The following PCDH11Y variants were observed in gnomAD, a reference collection of about 807,000 sequenced individuals.
PCDH11Y encodes protocadherin 11 Y-linked.
For missense variants in PCDH11Y, 12 were observed against 224.8 expected, an observed-to-expected ratio of 0.05 and a Z score of 6.05; for synonymous variants, 9 against 83.6, an observed-to-expected ratio of 0.11 and a Z score of 4.87.
intron 2 of PCDH11Y, among the ~76,000 whole-genome samples, chrY:5,227,467 T>C: frequency 2.9e-5 from 1 of 34,115 alleles, no homozygotes; most frequent in Non-Finnish European, 7.4e-5. Flanking sequence ...TCCAGTGCTA[T>C]GTTGAATAAC....
intron 4 of PCDH11Y, among the ~76,000 whole-genome samples, chrY:5,623,655 C>G: frequency 2.1e-4 from 7 of 33,541 alleles, no homozygotes; most frequent in Non-Finnish European, 3.7e-4. Flanking sequence ...AGTATTGGAT[C>G]ATGTATATGT....
At chrY:5,408,908 T>C in intron 2 of PCDH11Y, among the ~76,000 whole-genome samples, 1 of 33,128 alleles carries the variant, frequency 3.0e-5, no homozygotes, top group African/African-American at 1.2e-4. Flanking sequence ...GACATTTCCA[T>C]TTTGTTTATA....
chrY:5,054,029 A>G (rs2124627497), upstream of PCDH11Y, among the ~76,000 whole-genome samples: 1 of 29,457 alleles, frequency 3.4e-5, no homozygotes, highest in East Asian at 9.4e-4. Context: ...ACAAACCTGC[A>G]TGTTGTGCAC....
intron 2 of PCDH11Y, among the ~76,000 whole-genome samples, chrY:5,438,365 G>A: frequency 3.1e-5 from 1 of 32,603 alleles, no homozygotes; most frequent in African/African-American, 1.2e-4. Context: ...CTGTTGGCTA[G>A]ATTGCTCAGG....
chrY:5,157,769 G>T (rs377206119), intron 2 of PCDH11Y, among the ~76,000 whole-genome samples: 1 of 32,735 alleles, frequency 3.1e-5, no homozygotes. Flanking sequence ...TTACCAGCAC[G>T]AGGAGAAAGC....
At chrY:5,120,429 AC>A (rs2052816260) in intron 2 of PCDH11Y, among the ~76,000 whole-genome samples, 5 of 31,184 alleles carry the variant, frequency 1.6e-4, no homozygotes, top group Non-Finnish European at 3.1e-4. Flanking sequence ...TCTCAGATCA[AC>A]AGTCTAGGTG....
chrY:5,476,548 A>T, intron 2 of PCDH11Y, among the ~76,000 whole-genome samples: 1 of 33,222 alleles, frequency 3.0e-5, no homozygotes, highest in African/African-American at 1.2e-4. Context: ...TCTGTTAATA[A>T]CTAATGCACA....
chrY:5,443,843 G>A, intron 2 of PCDH11Y, among the ~76,000 whole-genome samples: 1 of 32,927 alleles, frequency 3.0e-5, no homozygotes, highest in Non-Finnish European at 7.6e-5. Context: ...TATGTTAAGT[G>A]AAATAAGCCA....
chrY:5,294,951 T>G lies in PCDH11Y; in HGVS notation c.3129+194244T>G. On this transcript the variant is annotated intron_variant, in intron 2 of 4. Coordinates refer to the PCDH11Y transcript ENST00000400457. ...TATAGGACATGAAATCCCTCAGGTT[T>G]TGGTTGTGTGGGAAGGGCTTTATTT... Among the ~76,000 whole-genome samples, 5 of 33,211 alleles carry G rather than the reference T, an allele frequency of 1.5e-4. No individual in the cohort carries two copies. The East Asian group carries it at 4.0e-3, about 27-fold the overall frequency. 89.1% of individuals were successfully genotyped at this position (33,211 alleles called of 37,273 possible).
chrY:5,646,039 C>G, intron 4 of PCDH11Y, among the ~76,000 whole-genome samples: 1 of 26,304 alleles, frequency 3.8e-5, no homozygotes, highest in South Asian at 1.0e-3. Flanking sequence ...ATTTGCACTC[C>G]TATGTTTGTT....
In PCDH11Y at chrY:5,673,310, C is replaced by T. The variant is rs1602958523; in HGVS notation, c.3353-63962C>T. ...GATTCTTCTCAACATTTTTCACCAA[C>T]GTATCTCTATCTGCAAAGAAGAGTT... On this transcript the variant is annotated intron_variant, in intron 4 of 4. Transcript: ENST00000400457. Among the ~76,000 whole-genome samples, 6 of 24,062 alleles carry T rather than the reference C, an allele frequency of 2.5e-4. No homozygotes were observed. The East Asian group carries it at 5.4e-3, about 22-fold the overall frequency. 64.6% of individuals were successfully genotyped at this position (24,062 alleles called of 37,273 possible). A position where few individuals can be genotyped will look rare whatever the true frequency, so the allele number is the denominator to read the frequency against.
At chrY:5,401,355 G>T in intron 2 of PCDH11Y, among the ~76,000 whole-genome samples, 1 of 32,822 alleles carries the variant, frequency 3.0e-5, no homozygotes, top group Non-Finnish European at 7.5e-5. Context: ...CCAAACTAGT[G>T]GTTTGTTGTT....
At chrY:5,398,124 T>TTAA (rs2053229267) in intron 2 of PCDH11Y, among the ~76,000 whole-genome samples, 1 of 33,560 alleles carries the variant, frequency 3.0e-5, no homozygotes, top group African/African-American at 1.2e-4. Flanking sequence ...AGTCTTATTT[T>TTAA]TACATGCATG....
intron 4 of PCDH11Y, among the ~76,000 whole-genome samples, chrY:5,646,883 C>T (rs2053527584): frequency 3.1e-5 from 1 of 32,420 alleles, no homozygotes; most frequent in Non-Finnish European, 7.6e-5. Flanking sequence ...TTATCAGACC[C>T]TAAAGCTAAA....
intron 2 of PCDH11Y, among the ~76,000 whole-genome samples, chrY:5,263,693 G>A: frequency 3.0e-5 from 1 of 33,212 alleles, no homozygotes; most frequent in Non-Finnish European, 7.4e-5. Context: ...ATTAAAGTTG[G>A]AGGCACCAAC....
chrY:5,627,497 G>C, intron 4 of PCDH11Y, among the ~76,000 whole-genome samples: 1 of 29,569 alleles, frequency 3.4e-5, no homozygotes, highest in African/African-American at 1.4e-4. Context: ...TGCCTCCTGG[G>C]TTCAAGTGAT....
At chrY:5,659,219 G>T in intron 4 of PCDH11Y, among the ~76,000 whole-genome samples, 6 of 32,356 alleles carry the variant, frequency 1.9e-4, no homozygotes, top group South Asian at 7.1e-4. Flanking sequence ...TGCTGGGTCA[G>T]ACCTGAAGCC....
chrY:5,386,175 A>G (rs2053215245), intron 2 of PCDH11Y, among the ~76,000 whole-genome samples: 2 of 33,656 alleles, frequency 5.9e-5, no homozygotes, highest in Non-Finnish European at 1.5e-4. Flanking sequence ...GAAGTTAAAG[A>G]TAGGGCCCCA....
chrY:5,504,834 A>C, intron 3 of PCDH11Y, among the ~76,000 whole-genome samples: 1 of 33,096 alleles, frequency 3.0e-5, no homozygotes, highest in Middle Eastern at 0.014. Flanking sequence ...ATTTTTAAGT[A>C]GTCTCAGGTA....
Sources: allele counts gnomAD v4.1 joint callset (sites outside exome capture counted in the v4.1 genomes callset), GRCh38; gene constraint gnomAD v4.1.1; transcripts MANE v1.5; gene names NCBI Gene and HGNC (gene_info 2026-07-23, HGNC 2026-07-21).